NCKAP5: variants seen among roughly 807,000 people sequenced by gnomAD.
NCKAP5 encodes the protein nck-associated protein 5.
A neutral mutation model predicts 167.0 loss-of-function variants in NCKAP5; 92 were observed. The ratio of observed to expected loss-of-function variants is 0.55; its 90% CI spans 0.47 to 0.66. The LOEUF (loss-of-function observed/expected upper bound fraction) is 0.66, where lower values mean the gene tolerates loss of function less well. NCKAP5 is among the 30% of genes least tolerant of loss of function. NCKAP5 has a pLI of 0.00. For synonymous variants in NCKAP5, 891 were observed against 877.4 expected (o/e 1.02, Z -0.27); for missense variants, 2,378 against 2,315.0 (o/e 1.03, Z -0.56).
chr2:133,291,363 T>C (rs1170585279), intron 4 of NCKAP5, among the ~76,000 whole-genome samples: 2 of 152,118 alleles, frequency 1.3e-5, no homozygotes, highest in Non-Finnish European at 2.9e-5. Context: ...AGAGTCACTG[T>C]TACATGTTTG....
chr2:133,428,949 T>C (rs570112470), intron 3 of NCKAP5, among the ~76,000 whole-genome samples: 17 of 152,300 alleles, frequency 1.1e-4, no homozygotes, highest in African/African-American at 4.1e-4. Context: ...ATAATTTTTT[T>C]AGAAATTAAT....
At chr2:132,887,419 T>A (rs6718339) in intron 8 of NCKAP5, among the ~76,000 whole-genome samples, 77,126 of 151,408 alleles carry the variant, frequency 0.51, 20,637 homozygotes, top group East Asian at 0.69. Context: ...GCAAATGTAA[T>A]TGTGGCTTTT....
At chr2:133,153,653 G>T (rs1014536352) in intron 5 of NCKAP5, among the ~76,000 whole-genome samples, 1 of 151,566 alleles carries the variant, frequency 6.6e-6, no homozygotes, top group African/African-American at 2.4e-5. Context: ...CATCAATCCA[G>T]CCCCATCTTT....
At chr2:132,760,664 A>G (rs1253493769) in intron 16 of NCKAP5, among the ~76,000 whole-genome samples, 1 of 152,044 alleles carries the variant, frequency 6.6e-6, no homozygotes, top group Non-Finnish European at 1.5e-5. Flanking sequence ...CTGGAACTTC[A>G]TTTGTAAGTA....
chr2:133,312,848 A>C (rs1018610396), intron 3 of NCKAP5, among the ~76,000 whole-genome samples: 1 of 152,216 alleles, frequency 6.6e-6, no homozygotes, highest in South Asian at 2.1e-4. Context: ...TGAAATACGA[A>C]GCAGCAGTCA....
intron 4 of NCKAP5, among the ~76,000 whole-genome samples, chr2:133,214,225 G>T (rs2086333591): frequency 6.6e-6 from 1 of 152,048 alleles, no homozygotes; most frequent in Non-Finnish European, 1.5e-5. Context: ...AAAATCATTT[G>T]CATGCTTGCT....
chr2:132,739,866 G>A (rs138575720), intron 16 of NCKAP5, among the ~76,000 whole-genome samples: 167 of 152,272 alleles, frequency 1.1e-3, no homozygotes, highest in African/African-American at 3.6e-3. Context: ...AGAAATCTAT[G>A]TTGGAGGCAG....
chr2:133,605,199 A>G, the NCKAP5 span, among the ~76,000 whole-genome samples: 15 of 152,142 alleles, frequency 9.9e-5, no homozygotes, highest in African/African-American at 3.6e-4. Context: ...TGATTCTCTC[A>G]GCCACTGCCC....
intron 7 of NCKAP5, among the ~76,000 whole-genome samples, 155 bp downstream of exon 7, chr2:132,993,997 T>C (rs1238334173): frequency 3.3e-5 from 5 of 152,214 alleles, no homozygotes; most frequent in Non-Finnish European, 5.9e-5. Context: ...AATAAACGTG[T>C]ATGATTCCTC....
the NCKAP5 span, among the ~76,000 whole-genome samples, chr2:133,594,347 C>G: frequency 1.3e-5 from 2 of 152,268 alleles, no homozygotes; most frequent in East Asian, 1.9e-4. Context: ...CTCTCTCTTG[C>G]CCTGGGGTCG....
At chr2:132,899,877 A>G (rs1693484651) in intron 8 of NCKAP5, among the ~76,000 whole-genome samples, 1 of 152,128 alleles carries the variant, frequency 6.6e-6, no homozygotes, top group African/African-American at 2.4e-5. Context: ...TCCATCTCAA[A>G]CAAACAAACA....
chr2:133,005,218 A>G (rs1400707413), intron 6 of NCKAP5, among the ~76,000 whole-genome samples: 1 of 152,236 alleles, frequency 6.6e-6, no homozygotes, highest in Non-Finnish European at 1.5e-5. Flanking sequence ...TGATTGGGGA[A>G]GTGATAAATG....
chr2:133,459,767 A>G lies in NCKAP5; in HGVS notation c.69+57691T>C, dbSNP rs572202504. On this transcript the variant is annotated intron_variant, in intron 3 of 19. Coordinates refer to ENST00000409261, the MANE Select transcript of NCKAP5 (RefSeq NM_207363.3). The stretch of plus-strand genomic sequence containing the variant: ...GATGTATTTAACTCATGATCACACA[A>G]TGCATGGGTAATTACAAACACGTAA... Among the ~76,000 whole-genome samples, 129 of 152,274 alleles carry G rather than the reference A, an allele frequency of 8.5e-4. 4 individuals are homozygous for G. In the South Asian group the frequency reaches 0.026, roughly 31 times the overall value.
At chr2:132,676,611 G>T (rs1684532304) in intron 19 of NCKAP5, among the ~76,000 whole-genome samples, 1 of 151,958 alleles carries the variant, frequency 6.6e-6, no homozygotes, top group South Asian at 2.1e-4. Context: ...ATATAAGGAG[G>T]GATTGAGGTG....
chr2:132,842,708 G>A (rs181867307), intron 11 of NCKAP5, among the ~76,000 whole-genome samples: 2 of 150,456 alleles, frequency 1.3e-5, no homozygotes, highest in African/African-American at 4.9e-5. Context: ...CACCATGCCC[G>A]GATGATTTTT....
At position 133,519,737 on chromosome 2, in the gene NCKAP5, T is replaced by C. The variant is rs6721775; in HGVS notation, c.-61-2150A>G. Among the ~76,000 whole-genome samples, 213 of 152,222 alleles carry C rather than the reference T, an allele frequency of 1.4e-3. 1 individual carries two copies. Among genetic ancestry groups the C allele is most frequent in the African/African-American group, 4.8e-3 (200 of 41,542 alleles). ...CCTAGGAATACTGTATGGAAAACAA[T>C]CCTTACATGTTAGTGACACAGTCAT... On this transcript the variant is annotated intron_variant, in intron 2 of 19. Coordinates refer to ENST00000409261, the MANE Select transcript of NCKAP5 (RefSeq NM_207363.3).
At chr2:132,708,147 A>G (rs1688534619) in intron 19 of NCKAP5, among the ~76,000 whole-genome samples, 1 of 152,018 alleles carries the variant, frequency 6.6e-6, no homozygotes, top group Non-Finnish European at 1.5e-5. Context: ...TGTGGTGGCC[A>G]TGGGGAGGGA....
chr2:133,329,057 T>A (rs1682649811), intron 3 of NCKAP5, among the ~76,000 whole-genome samples: 1 of 152,208 alleles, frequency 6.6e-6, no homozygotes, highest in African/African-American at 2.4e-5. Context: ...ACTGTTTCCT[T>A]TACCCACATA....
chr2:133,380,263 G>T (rs1023254866), intron 3 of NCKAP5, among the ~76,000 whole-genome samples: 1 of 152,052 alleles, frequency 6.6e-6, no homozygotes, highest in South Asian at 2.1e-4. Context: ...TTTGGGAGAA[G>T]ATTTTTTTTC....
Sources: gnomAD v4.1 joint callset for allele counts (sites outside exome capture counted in the v4.1 genomes callset) on GRCh38, gnomAD v4.1.1 for gene constraint, MANE v1.5 for transcripts, NCBI Gene and HGNC (gene_info 2026-07-23, HGNC 2026-07-21) for gene names.